Variants in PPP1R14C observed in about 807,000 individuals in gnomAD.
PPP1R14C encodes protein phosphatase 1 regulatory inhibitor subunit 14C, also known as protein phosphatase 1 regulatory subunit 14C.
A neutral mutation model predicts 20.4 loss-of-function variants in PPP1R14C; 16 were observed. The ratio of observed to expected loss-of-function variants is 0.78; its 90% CI spans 0.53 to 1.19. The LOEUF is 1.19. Among genes scored for constraint, PPP1R14C ranks in the 50% most tolerant of loss-of-function variants. The pLI is 0.00. For synonymous variants in PPP1R14C, 91 were observed against 91.0 expected, an observed-to-expected ratio of 1.00 and a Z score of 0.00; for missense variants, 211 against 220.1, an observed-to-expected ratio of 0.96 and a Z score of 0.26.
At chr6:150,242,415 C>T (rs1312086752) in intron 3 of PPP1R14C, among the ~76,000 whole-genome samples, 2 of 123,956 alleles carry the variant, frequency 1.6e-5, no homozygotes, top group Non-Finnish European at 3.4e-5. Context: ...ATTAGTTTAA[C>T]ATTCGAAAAT....
intron 1 of PPP1R14C, chr6:150,196,063 G>T: frequency 1.0e-6 from 1 of 985,428 alleles, no homozygotes; most frequent in Non-Finnish European, 1.2e-6. Context: ...GACTAAAACC[G>T]TAGTTCTGCT....
At chr6:150,184,635 C>G (rs761077026) in intron 1 of PPP1R14C, among the ~76,000 whole-genome samples, 15 of 151,666 alleles carry the variant, frequency 9.9e-5, no homozygotes, top group Non-Finnish European at 2.1e-4. Flanking sequence ...TTGGACTTCT[C>G]TCTGCCAAAA....
chr6:150,223,893 C>A (rs1778198609), intron 3 of PPP1R14C, among the ~76,000 whole-genome samples: 1 of 152,134 alleles, frequency 6.6e-6, no homozygotes, highest in Admixed American at 6.5e-5. Flanking sequence ...ACGGATCATG[C>A]CTTTTGTGTT....
chr6:150,248,735 A>G lies in PPP1R14C; in HGVS notation c.424-11A>G. On this transcript the variant is annotated splice_polypyrimidine_tract_variant and intron_variant, in intron 3 of 3. Coordinates refer to ENST00000361131, the MANE Select transcript of PPP1R14C (RefSeq NM_030949.3). ...GTGACCCTCATATTAACTTCTTCTG[A>G]TCTCTTTTAGGAATTTATCAAAGAG... 1 of 1,592,086 alleles carries G rather than the reference A, an allele frequency of 6.3e-7. No individual in the cohort carries two copies. The highest frequency in any genetic ancestry group is 8.6e-7 in the Non-Finnish European group (1 of 1,161,326).
At chr6:150,164,420 A>C (rs968831472) in intron 1 of PPP1R14C, among the ~76,000 whole-genome samples, 8 of 152,178 alleles carry the variant, frequency 5.3e-5, no homozygotes, top group African/African-American at 1.9e-4. Context: ...TATATTTGGT[A>C]CATTTTCAAC....
chr6:150,236,643 G>GCGCA (rs200728075), intron 3 of PPP1R14C, among the ~76,000 whole-genome samples: 88 of 150,646 alleles, frequency 5.8e-4, no homozygotes, highest in South Asian at 2.8e-3. Flanking sequence ...GTGTGTGCGC[G>GCGCA]TGTGTGTGTT....
chr6:150,150,011 A>G (rs1777227000), intron 1 of PPP1R14C, among the ~76,000 whole-genome samples: 1 of 152,234 alleles, frequency 6.6e-6, no homozygotes, highest in Non-Finnish European at 1.5e-5. Flanking sequence ...AATTTTCATC[A>G]TTTAAAAGTT....
Position 150,201,061 on chromosome 6 carries a change from G to A in PPP1R14C, c.307-13683G>A, listed in dbSNP as rs1209999093. Among the ~76,000 whole-genome samples, 1 of 152,208 alleles carries A rather than the reference G, an allele frequency of 6.6e-6. No homozygotes were observed. The highest frequency in any genetic ancestry group is 1.5e-5 in the Non-Finnish European group (1 of 68,040). ...AGTTGTAGGGGCCATACATTTTGAGGTCAGATTGTCCAGGTTTGGAACTAA... is the reference window on the plus strand; with the variant it reads ...AGTTGTAGGGGCCATACATTTTGAGATCAGATTGTCCAGGTTTGGAACTAA... On this transcript the variant is annotated intron_variant, in intron 1 of 3. Coordinates refer to ENST00000361131, the MANE Select transcript of PPP1R14C (RefSeq NM_030949.3). This position sits in a 1 kb window ranked among gnomAD's most constrained non-coding sequence, Gnocchi z 4.2.
In PPP1R14C at chr6:150,235,960, C is replaced by G. The variant is rs868082025; in HGVS notation, c.424-12786C>G. Among the ~76,000 whole-genome samples, 3 of 152,284 alleles carry G rather than the reference C, an allele frequency of 2.0e-5. No individual in the cohort carries two copies. The Middle Eastern group carries it at 0.01, about 518-fold the overall frequency. ...AAGGATTGTTGTGTTTATCATAACA[C>G]ATTTTTGGTCATTTTAGTTTAGTTT... On this transcript the variant is annotated intron_variant, in intron 3 of 3. Transcript: ENST00000361131.
intron 3 of PPP1R14C, among the ~76,000 whole-genome samples, chr6:150,226,980 T>TC (rs1778237768): frequency 3.3e-5 from 5 of 152,338 alleles, no homozygotes; most frequent in Admixed American, 3.3e-4. Context: ...GTTCTTCTCA[T>TC]ATTGGCAGTA....
chr6:150,220,853 G>A (rs1347858642), intron 3 of PPP1R14C, among the ~76,000 whole-genome samples: 3 of 152,192 alleles, frequency 2.0e-5, no homozygotes, highest in African/African-American at 7.2e-5. Context: ...GAAAATGGTG[G>A]GTCTTGCCTC....
rs79024443 is a variant in PPP1R14C at position 150,148,158 on chromosome 6, G to A, written c.306+4660G>A. Among the ~76,000 whole-genome samples, 14 of 152,316 alleles carry A rather than the reference G, an allele frequency of 9.2e-5. No individual in the cohort carries two copies. The East Asian group carries it at 2.7e-3, about 29-fold the overall frequency. On this transcript the variant is annotated intron_variant, in intron 1 of 3. Coordinates refer to ENST00000361131, the MANE Select transcript of PPP1R14C (RefSeq NM_030949.3). ...AATTTTAAAAGTACTGCTTCTGAAA[G>A]GGAGAAGCCTAAACATGTGTAATAG... is the stretch of plus-strand genomic sequence containing the variant.
chr6:150,202,412 C>T (rs750267337), intron 1 of PPP1R14C, among the ~76,000 whole-genome samples: 7 of 152,232 alleles, frequency 4.6e-5, no homozygotes, highest in African/African-American at 7.2e-5. Flanking sequence ...TTCTCCCTCT[C>T]TCATTGGCAC....
intron 1 of PPP1R14C, among the ~76,000 whole-genome samples, chr6:150,197,104 T>C (rs915752375): frequency 1.3e-5 from 2 of 152,154 alleles, no homozygotes; most frequent in African/African-American, 4.8e-5. Context: ...ATCCCGAGTT[T>C]GGGAACTGGC....
rs528834457 is a variant in PPP1R14C, at chr6:150,154,984, T to TG, written c.306+11492dup. ...GGCATATAACCTATAATATTGGCTT[T>TG]GGGGGGTGCTTTTCTGTTCTTATTA... On this transcript the variant is annotated intron_variant, in intron 1 of 3. Transcript: ENST00000361131. Among the ~76,000 whole-genome samples the TG allele has an allele frequency of 1.5e-3, 233 of 152,254 alleles. 2 individuals carry two copies. Among genetic ancestry groups the TG allele is most frequent in the Non-Finnish European group, 2.9e-3 (194 of 68,010 alleles).
intron 1 of PPP1R14C, chr6:150,195,839 A>G (rs1777797975): frequency 1.0e-6 from 1 of 985,336 alleles, no homozygotes; most frequent in Non-Finnish European, 1.2e-6. Context: ...TAATATGCCT[A>G]GGACCACAGA....
At chr6:150,162,148 G>T (rs1777376724) in intron 1 of PPP1R14C, among the ~76,000 whole-genome samples, 1 of 151,310 alleles carries the variant, frequency 6.6e-6, no homozygotes, top group Non-Finnish European at 1.5e-5. Context: ...TCTGCCTCCT[G>T]GGTTCAAGTG....
chr6:150,168,474 A>T (rs1238079889), intron 1 of PPP1R14C, among the ~76,000 whole-genome samples: 2 of 152,152 alleles, frequency 1.3e-5, no homozygotes, highest in African/African-American at 4.8e-5. Flanking sequence ...CGGAGCTTGC[A>T]GTGAGCCGAG....
intron 3 of PPP1R14C, among the ~76,000 whole-genome samples, chr6:150,238,782 G>A (rs754873388): frequency 2.1e-4 from 32 of 152,236 alleles, no homozygotes; most frequent in Non-Finnish European, 3.8e-4. Context: ...AATTCAGTTG[G>A]CATCAAGAAG....
Sources: allele counts gnomAD v4.1 joint callset (sites outside exome capture counted in the v4.1 genomes callset), GRCh38; gene constraint gnomAD v4.1.1; non-coding constraint Gnocchi (gnomAD v3.1); transcripts MANE v1.5; gene names NCBI Gene and HGNC (gene_info 2026-07-23, HGNC 2026-07-21).